APP: variants seen among roughly 807,000 people sequenced by gnomAD.
The protein encoded by APP is amyloid beta precursor protein, also known as amyloid-beta precursor protein.
APP carries 31 observed loss-of-function variants against 101.4 expected under a neutral mutation model. That is an observed-to-expected ratio of 0.31 (90% CI 0.23 to 0.41). The LOEUF (loss-of-function observed/expected upper bound fraction) is 0.41, where lower values mean the gene tolerates loss of function less well. Ranked by LOEUF, APP falls within the 10% of genes least tolerant of loss-of-function variation. The probability of loss-of-function intolerance (pLI) is 1.00; values close to 1 mark genes in which losing one functional copy is unlikely to be tolerated. For synonymous variants in APP, 366 were observed against 364.4 expected (o/e 1.00, Z -0.05); for missense variants, 839 against 1,003.7 (o/e 0.84, Z 2.22).
chr21:26,074,542 G>A (rs952154180), intron 3 of APP, among the ~76,000 whole-genome samples: 2 of 152,226 alleles, frequency 1.3e-5, no homozygotes, highest in African/African-American at 4.8e-5. Flanking sequence ...GTTGAGGTCA[G>A]GAGATCGAGA....
intron 5 of APP, among the ~76,000 whole-genome samples, chr21:26,031,488 C>G (rs2044818688): frequency 6.6e-6 from 1 of 152,170 alleles, no homozygotes; most frequent in Non-Finnish European, 1.5e-5. Context: ...ATGGGACTTA[C>G]AGTTCCACAT....
chr21:26,044,696 C>T lies in APP; in HGVS notation c.662+6304G>A, dbSNP rs138026771. Among the ~76,000 whole-genome samples the T allele has an allele frequency of 1.8e-3, 279 of 152,246 alleles. 1 individual carries two copies. Among genetic ancestry groups the T allele is most frequent in the African/African-American group, 6.4e-3 (266 of 41,554 alleles). ...CTGGGATTACAGGCATGCGCCACCACGCCTAGCTAATTTTGTATTTTTAGT... is the reference window on the plus strand; with the variant it reads ...CTGGGATTACAGGCATGCGCCACCATGCCTAGCTAATTTTGTATTTTTAGT... On this transcript the variant is annotated intron_variant, in intron 5 of 17. Transcript: ENST00000346798.
rs1395978612 is a variant in APP, at chr21:26,109,122, G to A, written c.225+2857C>T. On this transcript the variant is annotated intron_variant, in intron 2 of 17. Coordinates refer to ENST00000346798, the MANE Select transcript of APP (RefSeq NM_000484.4). The stretch of plus-strand genomic sequence containing the variant: ...GATAATACCAGAATTGCAAGAGGAA[G>A]GTGACAGCAAAGGGCTAATTCTCCC... Among the ~76,000 whole-genome samples the A allele has an allele frequency of 2.0e-5, 3 of 152,178 alleles. No individual in the cohort carries two copies. The East Asian group carries it at 5.8e-4, about 29-fold the overall frequency.
chr21:25,976,099 A>G (rs1601088490), intron 9 of APP, 71 bp from the exon 10 acceptor site: 1 of 1,272,042 alleles, frequency 7.9e-7, no homozygotes, highest in Non-Finnish European at 1.1e-6. Flanking sequence ...AATAGGATGG[A>G]TGATTATGTT....
intron 17 of APP, among the ~76,000 whole-genome samples, chr21:25,886,909 C>T (rs2037364039): frequency 6.6e-6 from 1 of 152,106 alleles, no homozygotes; most frequent in Non-Finnish European, 1.5e-5. Context: ...CCTCTAAGGA[C>T]ATCTTTTTAT....
At chr21:25,995,096 T>C (rs1446465985) in intron 8 of APP, among the ~76,000 whole-genome samples, 1 of 152,170 alleles carries the variant, frequency 6.6e-6, no homozygotes, top group Non-Finnish European at 1.5e-5. Context: ...ACTTTCAGTA[T>C]CTGTTTGGAA....
At chr21:26,010,352 A>G (rs2043736842) in intron 6 of APP, among the ~76,000 whole-genome samples, 2 of 152,368 alleles carry the variant, frequency 1.3e-5, no homozygotes, top group Admixed American at 1.3e-4. Context: ...CTACTAGACT[A>G]CATTACACAT....
At chr21:26,052,322 C>T (rs1417281234) in intron 4 of APP, among the ~76,000 whole-genome samples, 1 of 152,028 alleles carries the variant, frequency 6.6e-6, no homozygotes, top group African/African-American at 2.4e-5. Context: ...GCCAGTAACA[C>T]CACTCCCTCA....
At chr21:26,050,703 C>T (rs1170472965) in intron 5 of APP, among the ~76,000 whole-genome samples, 1 of 152,084 alleles carries the variant, frequency 6.6e-6, no homozygotes, top group Non-Finnish European at 1.5e-5. Context: ...AACAGAACGC[C>T]ATTATTATTT....
chr21:26,115,950 T>C (rs2062426316), intron 1 of APP, among the ~76,000 whole-genome samples: 1 of 152,190 alleles, frequency 6.6e-6, no homozygotes. Flanking sequence ...TGAGTTAAGA[T>C]TACTTTGCAA....
intron 6 of APP, among the ~76,000 whole-genome samples, chr21:26,018,283 T>C (rs2044189787): frequency 6.6e-6 from 1 of 152,244 alleles, no homozygotes; most frequent in Admixed American, 6.5e-5. Flanking sequence ...TCACATTTTG[T>C]TCCAGGTACT....
At chr21:26,075,230 G>GAATA (rs1469554974) in intron 3 of APP, among the ~76,000 whole-genome samples, 2 of 152,068 alleles carry the variant, frequency 1.3e-5, no homozygotes, top group African/African-American at 4.8e-5. Flanking sequence ...CAAGCTCTGG[G>GAATA]AATATTTCAG....
intron 3 of APP, 45 bp downstream of exon 3, chr21:26,089,898 G>A: frequency 6.2e-7 from 1 of 1,612,802 alleles, no homozygotes. Context: ...CTTCCCTCAA[G>A]ACCAGGCCCC....
intron 8 of APP, among the ~76,000 whole-genome samples, chr21:25,987,810 C>T (rs2042694745): frequency 1.3e-5 from 2 of 152,140 alleles, no homozygotes; most frequent in African/African-American, 4.8e-5. Flanking sequence ...TCCTCCAGCC[C>T]ACCAACATTG....
intron 2 of APP, among the ~76,000 whole-genome samples, chr21:26,097,388 A>C (rs925383772): frequency 1.3e-5 from 2 of 152,210 alleles, no homozygotes; most frequent in African/African-American, 4.8e-5. Context: ...CATGTAATTA[A>C]TATTTCTGGT....
chr21:26,158,104 C>T (rs2063411801), intron 1 of APP: 1 of 152,212 alleles, frequency 6.6e-6, no homozygotes, highest in Non-Finnish European at 1.5e-5. Context: ...GCTGGAAGGC[C>T]TTCCCAGGAA....
rs1678339925 is a variant in APP, at chr21:25,976,122, T to C, written c.1225-94A>G. On this transcript the variant is annotated intron_variant, in intron 9 of 17. Coordinates refer to ENST00000346798, the MANE Select transcript of APP (RefSeq NM_000484.4). ...GGATGATTATGTTTTTCCTCTATTT[T>C]TGTCATTTTAGATATTTAAAAAATT... 4 of 1,144,158 alleles carry C rather than the reference T, an allele frequency of 3.5e-6. No individual in the cohort carries two copies. In the South Asian group the frequency reaches 3.9e-5, roughly 11 times the overall value. 70.9% of individuals were successfully genotyped at this position (1,144,158 alleles called of 1,614,324 possible). A position where few individuals can be genotyped will look rare whatever the true frequency, so the allele number is the denominator to read the frequency against.
chr21:25,885,945 G>A (rs2037294655), intron 17 of APP, among the ~76,000 whole-genome samples: 1 of 152,050 alleles, frequency 6.6e-6, no homozygotes, highest in Admixed American at 6.5e-5. Flanking sequence ...ATTTACATGC[G>A]GGTGTGTGAG....
At chr21:25,887,636 C>T (rs967964944) in intron 17 of APP, among the ~76,000 whole-genome samples, 16 of 151,734 alleles carry the variant, frequency 1.1e-4, no homozygotes, top group Non-Finnish European at 1.8e-4. Flanking sequence ...CACGACAGAC[C>T]AAACATATGA....
Sources: gnomAD v4.1 joint callset for allele counts (sites outside exome capture counted in the v4.1 genomes callset) on GRCh38, gnomAD v4.1.1 for gene constraint, MANE v1.5 for transcripts, NCBI Gene and HGNC (gene_info 2026-07-23, HGNC 2026-07-21) for gene names.